The following SLC39A11 variants were observed in gnomAD, a reference collection of about 807,000 sequenced individuals.
SLC39A11 encodes the protein zinc transporter ZIP11.
In SLC39A11, 33 loss-of-function variants were observed where a neutral mutation model predicts 36.1. The ratio of observed to expected loss-of-function variants is 0.91; its 90% CI spans 0.69 to 1.22. The LOEUF (loss-of-function observed/expected upper bound fraction) is 1.22, where lower values mean the gene tolerates loss of function less well. Ranked by LOEUF, SLC39A11 falls within the 50% of genes most tolerant of loss-of-function variation. The probability of loss-of-function intolerance (pLI) is 0.00; values close to 1 mark genes in which losing one functional copy is unlikely to be tolerated. For missense variants in SLC39A11, 432 were observed against 430.3 expected (o/e 1.00, Z -0.03); for synonymous variants, 166 against 170.3 (o/e 0.97, Z 0.20).
intron 4 of SLC39A11, among the ~76,000 whole-genome samples, chr17:72,966,402 T>C (rs924299799): frequency 6.6e-6 from 1 of 152,166 alleles, no homozygotes; most frequent in Non-Finnish European, 1.5e-5. Context: ...TTAGCACATA[T>C]ACTCAGGTGA....
At chr17:72,988,460 CAAACAAAACAAAACA>C (rs539765242) in intron 4 of SLC39A11, among the ~76,000 whole-genome samples, 2 of 152,054 alleles carry the variant, frequency 1.3e-5, no homozygotes, top group African/African-American at 4.8e-5. Flanking sequence ...GAACTTGTCT[CAAACAAAACAAAACA>C]AAACAAAACA....
chr17:72,736,660 C>A lies in SLC39A11; in HGVS notation c.661G>T (p.Glu221Ter), dbSNP rs760786285. 2 of 1,613,916 alleles carry A rather than the reference C, an allele frequency of 1.2e-6. No individual in the cohort carries two copies. Among genetic ancestry groups the A allele is most frequent in the African/African-American group, 2.7e-5 (2 of 74,906 alleles). The change falls in exon 7 of 10, where the codon GAG becomes TAG. Residue 221 changes from glutamate (E) to a stop codon, truncating the protein, a stop_gained. Coordinates refer to ENST00000255559, the MANE Select transcript of SLC39A11 (RefSeq NM_139177.4). LOFTEE classifies it high-confidence loss of function. Reference protein sequence around the residue: ...AIEKTASATFESARNLAIGIG... With the variant: ...AIEKTASATF ...AGGATGCTGGCTTACCTGGCACTCT[C>A]AAAGGTAGCAGATGCCGTCTTTTCT...
intron 4 of SLC39A11, among the ~76,000 whole-genome samples, chr17:73,028,809 T>TAAA (rs59124161): frequency 1.4e-5 from 2 of 141,526 alleles, no homozygotes; most frequent in East Asian, 2.0e-4. Context: ...CCAAAAGGTT[T>TAAA]AAAAAAAAAA....
intron 6 of SLC39A11, among the ~76,000 whole-genome samples, chr17:72,781,390 T>C (rs1598708135): frequency 6.6e-6 from 1 of 152,090 alleles, no homozygotes; most frequent in Non-Finnish European, 1.5e-5. Flanking sequence ...TTTCCATCAT[T>C]TTGTCTTATT....
chr17:73,006,321 A>G (rs190968895), intron 4 of SLC39A11, among the ~76,000 whole-genome samples: 13 of 152,368 alleles, frequency 8.5e-5, no homozygotes, highest in African/African-American at 2.6e-4. Context: ...AAGTTTTAAA[A>G]GAACTGGCCT....
chr17:73,085,642 CAAAAAAAAAA>C (rs35729985), intron 2 of SLC39A11, among the ~76,000 whole-genome samples: 15 of 102,028 alleles, frequency 1.5e-4, no homozygotes, highest in African/African-American at 3.9e-5. Flanking sequence ...AACTCCGCCT[CAAAAAAAAAA>C]AAAAAAAAAA....
At chr17:72,953,821 C>T (rs951489669) in intron 4 of SLC39A11, among the ~76,000 whole-genome samples, 1 of 152,194 alleles carries the variant, frequency 6.6e-6, no homozygotes, top group African/African-American at 2.4e-5. Context: ...TGAGTCATTG[C>T]TACTAACAAC....
rs943506601 is a variant in SLC39A11 at position 72,866,979 on chromosome 17, C to T, written c.431-17175G>A. Among the ~76,000 whole-genome samples the T allele has an allele frequency of 2.6e-5, 4 of 152,144 alleles. No individual in the cohort carries two copies. In the South Asian group the frequency reaches 8.3e-4, roughly 32 times the overall value. On this transcript the variant is annotated intron_variant, in intron 5 of 9. Transcript: ENST00000255559. ...AAGCAATGGTGAGCAAAGATATTAG[C>T]AAAAATGTTGGAAAATGGAAGCAAC... is the stretch of plus-strand genomic sequence containing the variant.
intron 7 of SLC39A11, among the ~76,000 whole-genome samples, chr17:72,688,402 G>A (rs535452401): frequency 2.0e-5 from 3 of 152,372 alleles, no homozygotes; most frequent in South Asian, 2.1e-4. Context: ...CCCTGCAGCC[G>A]TGTCATGCTG....
intron 7 of SLC39A11, among the ~76,000 whole-genome samples, chr17:72,689,788 G>A (rs56391239): frequency 1.3e-5 from 2 of 152,062 alleles, no homozygotes; most frequent in South Asian, 2.1e-4. Flanking sequence ...CAAAGGCTGT[G>A]GGGGGAGGGA....
intron 3 of SLC39A11, among the ~76,000 whole-genome samples, chr17:73,067,539 TC>T (rs1357330104): frequency 3.9e-5 from 6 of 152,162 alleles, no homozygotes; most frequent in Non-Finnish European, 7.3e-5. Flanking sequence ...TTTTGTTTTT[TC>T]TTTTTTTTGA....
intron 6 of SLC39A11, among the ~76,000 whole-genome samples, chr17:72,756,674 C>T (rs543876170): frequency 2.6e-5 from 4 of 152,242 alleles, no homozygotes; most frequent in African/African-American, 9.6e-5. Context: ...TTCCATTTTA[C>T]AAGATAGAAA....
intron 6 of SLC39A11, among the ~76,000 whole-genome samples, chr17:72,746,841 G>A (rs779901385): frequency 5.9e-5 from 9 of 152,110 alleles, no homozygotes; most frequent in Non-Finnish European, 1.2e-4. Flanking sequence ...GAAGCTAAGA[G>A]TTTGAGACCA....
intron 5 of SLC39A11, among the ~76,000 whole-genome samples, chr17:72,872,313 C>T (rs937415829): frequency 6.6e-6 from 1 of 152,162 alleles, no homozygotes; most frequent in Non-Finnish European, 1.5e-5. Flanking sequence ...TACAGCTGAG[C>T]TCCACTCTGA....
At chr17:72,712,783 T>A (rs1211583085) in intron 7 of SLC39A11, 2 of 152,116 alleles carry the variant, frequency 1.3e-5, no homozygotes, top group Non-Finnish European at 1.5e-5. Flanking sequence ...AAACATTTTT[T>A]AAAAAAATTT....
chr17:73,063,942 T>C (rs1284460417), intron 3 of SLC39A11, among the ~76,000 whole-genome samples: 1 of 152,218 alleles, frequency 6.6e-6, no homozygotes, highest in Non-Finnish European at 1.5e-5. Context: ...TGGTTTCCCC[T>C]TGTTTATGCA....
chr17:73,060,242 G>GA (rs1207066423), intron 3 of SLC39A11, among the ~76,000 whole-genome samples: 11 of 121,946 alleles, frequency 9.0e-5, no homozygotes, highest in Non-Finnish European at 1.4e-4. Flanking sequence ...AAAGAAAAAA[G>GA]AAAAAAAAAG....
At chr17:72,767,680 C>T (rs1254472276) in intron 6 of SLC39A11, among the ~76,000 whole-genome samples, 1 of 152,186 alleles carries the variant, frequency 6.6e-6, no homozygotes, top group African/African-American at 2.4e-5. Context: ...TTAAGGAATG[C>T]CTGTGTACGT....
At chr17:72,689,545 T>C (rs2071921425) in intron 7 of SLC39A11, among the ~76,000 whole-genome samples, 1 of 152,222 alleles carries the variant, frequency 6.6e-6, no homozygotes, top group Admixed American at 6.5e-5. Context: ...AACAACCCAA[T>C]TGTCCATGAG....
Sources: gnomAD v4.1 joint callset for allele counts (sites outside exome capture counted in the v4.1 genomes callset) on GRCh38, gnomAD v4.1.1 for gene constraint, MANE v1.5 for transcripts, NCBI Gene and HGNC (gene_info 2026-07-23, HGNC 2026-07-21) for gene names.